Variants in SGSM3 observed in about 807,000 individuals in gnomAD.
SGSM3 encodes the protein RUN and SH3 containing 3.
Under a neutral mutation model 100.5 loss-of-function variants are expected in SGSM3, and 96 were observed. The ratio of observed to expected loss-of-function variants is 0.96; its 90% CI spans 0.81 to 1.13. SGSM3 has a LOEUF of 1.13. Among genes scored for constraint, SGSM3 ranks in the 50% most tolerant of loss-of-function variants. The pLI is 0.00. For synonymous variants in SGSM3, 483 were observed against 422.8 expected (o/e 1.14, Z -1.75); for missense variants, 1,001 against 1,015.8 (o/e 0.99, Z 0.20).
chr22:40,396,125 C>T (rs1031568016), intron 1 of SGSM3, among the ~76,000 whole-genome samples: 3 of 152,264 alleles, frequency 2.0e-5, no homozygotes, highest in Admixed American at 6.5e-5. Flanking sequence ...TGATTTTACC[C>T]CTTTTTAGCA....
chr22:40,402,941 C>G (rs1449903497), intron 4 of SGSM3, among the ~76,000 whole-genome samples: 3 of 152,202 alleles, frequency 2.0e-5, no homozygotes. Context: ...TTTTAATTGA[C>G]TGCAACTAAT....
At chr22:40,399,534 T>C (rs367726538) in intron 1 of SGSM3, among the ~76,000 whole-genome samples, 4 of 152,332 alleles carry the variant, frequency 2.6e-5, no homozygotes, top group East Asian at 3.9e-4. Context: ...AAACTATCAG[T>C]CTCTCCTAGG....
rs372120695 is a variant in SGSM3 at position 40,407,771 on chromosome 22, G to T, written c.1525-18G>T. ...AGGGCACCCAGCTTTGGTTCCTGCT[G>T]TTTTTCCTCCTGTGCAGATCGTGTC... On this transcript the variant is annotated intron_variant, in intron 13 of 21. Coordinates refer to ENST00000248929, the MANE Select transcript of SGSM3 (RefSeq NM_015705.6). This position sits in a 1 kb window ranked among gnomAD's most constrained non-coding sequence, Gnocchi z 4.7. The T allele has an allele frequency of 1.7e-5, 28 of 1,613,964 alleles. No homozygotes were observed. Among genetic ancestry groups the T allele is most frequent in the Non-Finnish European group, 2.4e-5 (28 of 1,180,018 alleles).
intron 1 of SGSM3, among the ~76,000 whole-genome samples, chr22:40,393,978 C>A (rs375586865): frequency 1.3e-5 from 2 of 152,354 alleles, no homozygotes; most frequent in East Asian, 3.9e-4. Flanking sequence ...TTCCACAACA[C>A]AACACACTAT....
Position 40,405,293 on chromosome 22 carries a change from A to G in SGSM3, c.618+9A>G. ...GCCAGGGCACCGGCATGGTGAGCACAGCCCCAGAAAGGGCAGTGGCAGCCC... is the reference window on the plus strand; with the variant it reads ...GCCAGGGCACCGGCATGGTGAGCACGGCCCCAGAAAGGGCAGTGGCAGCCC... On this transcript the variant is annotated intron_variant, in intron 7 of 21. Transcript: ENST00000248929. The G allele has an allele frequency of 6.7e-7, 1 of 1,488,660 alleles. No individual in the cohort carries two copies. Among genetic ancestry groups the G allele is most frequent in the Non-Finnish European group, 8.9e-7 (1 of 1,118,644 alleles). 92.2% of individuals were successfully genotyped at this position (1,488,660 alleles called of 1,614,324 possible).
In SGSM3 at chr22:40,408,131, T is replaced by TGGGGGGG; in HGVS notation, c.1629+14_1629+15insGGGGGGG. On this transcript the variant is annotated intron_variant, in intron 15 of 21. Transcript: ENST00000248929. ...GAGCGCAGCAAAGAGGTGAGGGGGG[T>TGGGGGGG]GGGCGGGCTAGGCACGGCTGGCACC... is the stretch of plus-strand genomic sequence containing the variant. 9.3e-6 allele frequency: 8 copies of TGGGGGGG among 855,930 alleles called. No homozygotes were observed. The highest frequency in any genetic ancestry group is 1.3e-5 in the Non-Finnish European group (7 of 552,644). The allele number at this position is 855,930 out of a possible 1,614,324, so 53.0% of individuals were successfully genotyped here. A position where few individuals can be genotyped will look rare whatever the true frequency, so the allele number is the denominator to read the frequency against.
chr22:40,400,349 G>A (rs1012181502), intron 1 of SGSM3, among the ~76,000 whole-genome samples: 1 of 152,118 alleles, frequency 6.6e-6, no homozygotes, highest in Non-Finnish European at 1.5e-5. Flanking sequence ...GAAGTAAAAG[G>A]AAGTAAAGGC....
chr22:40,400,873 G>A, intron 2 of SGSM3, 60 bp downstream of exon 2: 1 of 1,466,548 alleles, frequency 6.8e-7, no homozygotes, highest in South Asian at 1.3e-5. Flanking sequence ...GAGCCAGAGG[G>A]ATGGAAGGTG....
chr22:40,400,651 A>T (rs2050630072), intron 1 of SGSM3, 45 bp from the exon 2 acceptor site: 1 of 785,752 alleles, frequency 1.3e-6, no homozygotes, highest in South Asian at 1.6e-5. Context: ...CTAAAAAAAA[A>T]TAAAAATAAA....
intron 1 of SGSM3, among the ~76,000 whole-genome samples, chr22:40,371,104 G>T (rs770398881): frequency 6.6e-6 from 1 of 152,180 alleles, no homozygotes; most frequent in Non-Finnish European, 1.5e-5. Context: ...TTTAACTTGC[G>T]GTTTTCCCTT....
Position 40,409,371 on chromosome 22 carries a change from C to T in SGSM3, c.2110C>T (p.Arg704Ter), listed in dbSNP as rs374545232. ...CTGGGTCCAGATCAAGTGTGAGCTCCGGTGAGGACCTTACTGGGCTTGGGG... is the reference window on the plus strand; with the variant it reads ...CTGGGTCCAGATCAAGTGTGAGCTCTGGTGAGGACCTTACTGGGCTTGGGG... ...PGWVQIKCEL[R>*]VLCCFAFSLS... Residue 704 changes from arginine to a stop codon, truncating the protein, a stop_gained and splice_region_variant, in exon 20 of 22, where the codon CGA becomes TGA. Coordinates refer to ENST00000248929, the MANE Select transcript of SGSM3 (RefSeq NM_015705.6). LOFTEE classifies it high-confidence loss of function. 53 of 1,597,102 alleles carry T rather than the reference C, an allele frequency of 3.3e-5. No individual in the cohort carries two copies. The highest frequency in any genetic ancestry group is 7.0e-5 in the Admixed American group (4 of 57,220).
At chr22:40,408,884 G>A in intron 18 of SGSM3, 42 bp downstream of exon 18, 1 of 1,613,968 alleles carries the variant, frequency 6.2e-7, no homozygotes, top group Non-Finnish European at 8.5e-7. Flanking sequence ...ACCTCTCTGG[G>A]GTTAGCCTGT....
At position 40,404,741 on chromosome 22, in the gene SGSM3, C is replaced by G. The variant is rs987527147; in HGVS notation, c.474+77C>G. 2.0e-5 allele frequency: 21 copies of G among 1,025,062 alleles called. No homozygotes were observed. The Admixed American group carries it at 2.2e-4, about 11-fold the overall frequency. 63.5% of individuals were successfully genotyped at this position (1,025,062 alleles called of 1,614,324 possible). On this transcript the variant is annotated intron_variant, in intron 6 of 21. Transcript: ENST00000248929. ...GGAGAGAGGGAGCCTGCCTGGGGTT[C>G]TTAGAGTGTGCCCTTGTTGTGGGGT...
chr22:40,406,841 T>G (rs539325076), intron 10 of SGSM3, 176 bp from the exon 11 acceptor site: 1 of 865,976 alleles, frequency 1.2e-6, no homozygotes, highest in South Asian at 1.6e-5. Flanking sequence ...TTTGTGCACC[T>G]CAGGTTCTGA....
At chr22:40,406,798 C>A in intron 10 of SGSM3, 136 bp downstream of exon 10, 1 of 905,628 alleles carries the variant, frequency 1.1e-6, no homozygotes, top group Non-Finnish European at 1.7e-6. Context: ...CCAGTCAGAC[C>A]ACAGCTGTGG....
At chr22:40,394,190 G>A (rs149000973) in intron 1 of SGSM3, among the ~76,000 whole-genome samples, 17 of 152,296 alleles carry the variant, frequency 1.1e-4, no homozygotes, top group Middle Eastern at 3.4e-3. Flanking sequence ...TGTGAACTCC[G>A]TGCTTGTAAG....
rs1602122144 is a variant in SGSM3, at chr22:40,407,911, C to T, written c.1579+68C>T. ...GGGTGGGCACAGAAGACTTGGGTGACCCTGGCCGCCACCAAGCTGTTCTCC... is the reference window on the plus strand; with the variant it reads ...GGGTGGGCACAGAAGACTTGGGTGATCCTGGCCGCCACCAAGCTGTTCTCC... On this transcript the variant is annotated intron_variant, in intron 14 of 21. Coordinates refer to ENST00000248929, the MANE Select transcript of SGSM3 (RefSeq NM_015705.6). This position sits in a 1 kb window ranked among gnomAD's most constrained non-coding sequence, Gnocchi z 4.7. The T allele has an allele frequency of 2.0e-6, 3 of 1,514,940 alleles. No homozygotes were observed. Among genetic ancestry groups the T allele is most frequent in the Non-Finnish European group, 2.7e-6 (3 of 1,109,268 alleles). 93.8% of individuals were successfully genotyped at this position (1,514,940 alleles called of 1,614,324 possible).
rs2052442819 is a variant in SGSM3 at position 40,410,281 on chromosome 22, T to G, written c.*522T>G. The G allele has an allele frequency of 1.7e-6, 1 of 595,302 alleles. No individual in the cohort carries two copies. The highest frequency in any genetic ancestry group is 1.9e-5 in the African/African-American group (1 of 51,642). 36.9% of individuals were successfully genotyped at this position (595,302 alleles called of 1,614,324 possible). A position where few individuals can be genotyped will look rare whatever the true frequency, so the allele number is the denominator to read the frequency against. On this transcript the variant is annotated 3_prime_UTR_variant, in exon 22 of 22. Coordinates refer to ENST00000248929, the MANE Select transcript of SGSM3 (RefSeq NM_015705.6). ...CTTCCATGGACTGAATAAGATGGAC[T>G]AACAGGCCTGTGTTTTTGTGTTTAT...
chr22:40,399,519 T>C (rs1035294762), intron 1 of SGSM3, among the ~76,000 whole-genome samples: 1 of 152,198 alleles, frequency 6.6e-6, no homozygotes, highest in Non-Finnish European at 1.5e-5. Flanking sequence ...TGGGAGTCCA[T>C]TTGGAAACTA....
Sources: gnomAD v4.1 joint callset for allele counts (sites outside exome capture counted in the v4.1 genomes callset) on GRCh38, gnomAD v4.1.1 for gene constraint, Gnocchi (gnomAD v3.1) non-coding constraint, MANE v1.5 for transcripts, NCBI Gene and HGNC (gene_info 2026-07-23, HGNC 2026-07-21) for gene names.